Variants in MTMR8 observed in about 807,000 individuals in gnomAD.
The protein encoded by MTMR8 is myotubularin related protein 8, also known as phosphatidylinositol-3,5-bisphosphate 3-phosphatase MTMR8.
A neutral mutation model predicts 39.3 loss-of-function variants in MTMR8; 65 were observed. The observed-to-expected ratio is 1.65, with a 90% CI of 1.35 to 2.03. MTMR8 has a LOEUF of 2.03. Ranked by LOEUF, MTMR8 falls within the 30% of genes most tolerant of loss-of-function variation. The probability of loss-of-function intolerance (pLI) is 0.00; values close to 1 mark genes in which losing one functional copy is unlikely to be tolerated. For missense variants in MTMR8, 777 were observed against 538.9 expected, an observed-to-expected ratio of 1.44 and a Z score of -4.37; for synonymous variants, 245 against 185.2, an observed-to-expected ratio of 1.32 and a Z score of -2.62.
chrX:64,286,079 C>A (rs1182113240), intron 12 of MTMR8, among the ~76,000 whole-genome samples: 8 of 110,654 alleles, frequency 7.2e-5, no homozygotes, highest in Non-Finnish European at 1.5e-4. Flanking sequence ...AGACTGCCAG[C>A]AAGACTAATA....
intron 1 of MTMR8, among the ~76,000 whole-genome samples, chrX:64,381,881 T>C (rs1394325121): frequency 8.9e-6 from 1 of 112,078 alleles, no homozygotes; most frequent in African/African-American, 3.3e-5. Flanking sequence ...CATTTCTTGT[T>C]TTTGTCAGGT....
intron 12 of MTMR8, among the ~76,000 whole-genome samples, chrX:64,322,215 C>T (rs887428303): frequency 1.7e-4 from 19 of 109,567 alleles, no homozygotes; most frequent in Admixed American, 2.9e-4. Context: ...CCAGACTGGT[C>T]TCAAACTCCT....
chrX:64,369,838 A>G (rs1298296850), intron 1 of MTMR8, among the ~76,000 whole-genome samples: 1 of 111,380 alleles, frequency 9.0e-6, no homozygotes, highest in Non-Finnish European at 1.9e-5. Flanking sequence ...GTCAAATGTG[A>G]TGGGATATTA....
At chrX:64,373,992 C>CA (rs1279468741) in intron 1 of MTMR8, among the ~76,000 whole-genome samples, 1 of 111,941 alleles carries the variant, frequency 8.9e-6, no homozygotes, top group Admixed American at 9.5e-5. Context: ...CAGACAACAG[C>CA]AAAAATACAA....
At chrX:64,349,055 C>T (rs1358164873) in intron 5 of MTMR8, among the ~76,000 whole-genome samples, 1 of 111,519 alleles carries the variant, frequency 9.0e-6, no homozygotes, top group Non-Finnish European at 1.9e-5. Context: ...TGAGTATTTC[C>T]TTAGTGAAAT....
intron 1 of MTMR8, among the ~76,000 whole-genome samples, chrX:64,390,974 A>T (rs1390493685): frequency 8.9e-6 from 1 of 112,446 alleles, no homozygotes; most frequent in Non-Finnish European, 1.9e-5. Context: ...CACTCTTTTA[A>T]GTATACAATT....
intron 12 of MTMR8, among the ~76,000 whole-genome samples, chrX:64,296,148 T>C (rs762242242): frequency 8.9e-6 from 1 of 112,088 alleles, no homozygotes; most frequent in Admixed American, 9.5e-5. Context: ...TTCTGATACA[T>C]GCTGCAACAT....
At chrX:64,328,708 G>A (rs1198781885) in intron 12 of MTMR8, 64 bp downstream of exon 12, 3 of 1,052,789 alleles carry the variant, frequency 2.8e-6, no homozygotes, top group South Asian at 2.8e-5. Flanking sequence ...TATCCAAGGA[G>A]AAGCAAGGAA....
At chrX:64,280,068 C>G (rs971263345) in intron 12 of MTMR8, among the ~76,000 whole-genome samples, 2 of 111,884 alleles carry the variant, frequency 1.8e-5, no homozygotes, top group Non-Finnish European at 3.8e-5. Flanking sequence ...AGCCTACCAA[C>G]TAAAAAAAGC....
At chrX:64,379,250 C>G (rs775186915) in intron 1 of MTMR8, among the ~76,000 whole-genome samples, 1 of 112,051 alleles carries the variant, frequency 8.9e-6, no homozygotes, top group Non-Finnish European at 1.9e-5. Context: ...AAAATGGAAG[C>G]AGACAGAATA....
intron 12 of MTMR8, among the ~76,000 whole-genome samples, chrX:64,291,534 T>C (rs191736824): frequency 2.4e-4 from 27 of 110,774 alleles, no homozygotes; most frequent in African/African-American, 8.5e-4. Context: ...CACACACCCC[T>C]CAAAAAGCTT....
In MTMR8 at chrX:64,388,035, T is replaced by G. The variant is rs186552718; in HGVS notation, c.24+7305A>C. 1.4e-3 allele frequency among the ~76,000 whole-genome samples: 153 copies of G among 111,371 alleles called. 1 individual carries two copies. Among genetic ancestry groups the G allele is most frequent in the Middle Eastern group, 4.6e-3 (1 of 217 alleles). ...TTGCTCTTGGAGAAGCTGTGAACCA[T>G]AATCCACGTTTATCTGTTTGTTTTT... On this transcript the variant is annotated intron_variant, in intron 1 of 13. Coordinates refer to ENST00000374852, the MANE Select transcript of MTMR8 (RefSeq NM_017677.4).
intron 12 of MTMR8, among the ~76,000 whole-genome samples, chrX:64,314,392 C>T (rs907867622): frequency 8.9e-6 from 1 of 112,429 alleles, no homozygotes; most frequent in Non-Finnish European, 1.9e-5. Flanking sequence ...AGGGCAGAGG[C>T]CTGACTGGTG....
intron 8 of MTMR8, among the ~76,000 whole-genome samples, chrX:64,341,910 C>T (rs1283696675): frequency 9.0e-6 from 1 of 111,522 alleles, no homozygotes; most frequent in African/African-American, 3.3e-5. Context: ...ACATGTATTG[C>T]TTTTGTAATG....
intron 1 of MTMR8, among the ~76,000 whole-genome samples, chrX:64,371,503 A>G (rs1012673307): frequency 8.9e-6 from 1 of 111,929 alleles, no homozygotes; most frequent in Non-Finnish European, 1.9e-5. Flanking sequence ...TCAAGAACAT[A>G]TAAGTATAAA....
chrX:64,337,703 G>C (rs762337534), intron 8 of MTMR8, among the ~76,000 whole-genome samples: 8 of 111,618 alleles, frequency 7.2e-5, no homozygotes, highest in Non-Finnish European at 1.3e-4. Flanking sequence ...CAGAGGAATA[G>C]GTGAACTGGA....
intron 12 of MTMR8, among the ~76,000 whole-genome samples, chrX:64,321,709 T>C (rs1273146457): frequency 8.9e-6 from 1 of 111,844 alleles, no homozygotes; most frequent in African/African-American, 3.2e-5. Context: ...ATGAAAGACA[T>C]TAATCTACAT....
intron 3 of MTMR8, among the ~76,000 whole-genome samples, chrX:64,355,532 C>T (rs1923598728): frequency 9.0e-6 from 1 of 111,398 alleles, no homozygotes; most frequent in African/African-American, 3.3e-5. Flanking sequence ...CTAGGCCATC[C>T]AGCAGGTAAC....
At chrX:64,326,690 G>T (rs1316075204) in intron 12 of MTMR8, among the ~76,000 whole-genome samples, 7 of 109,769 alleles carry the variant, frequency 6.4e-5, no homozygotes, top group Non-Finnish European at 1.1e-4. Context: ...ATAGAAAAAA[G>T]AATCCTAAAA....
Sources: allele counts gnomAD v4.1 joint callset (sites outside exome capture counted in the v4.1 genomes callset), GRCh38; gene constraint gnomAD v4.1.1; transcripts MANE v1.5; gene names NCBI Gene and HGNC (gene_info 2026-07-23, HGNC 2026-07-21).